The following NELL1 variants were observed in gnomAD, a reference collection of about 807,000 sequenced individuals.
The protein encoded by NELL1 is neural EGFL like 1.
A neutral mutation model predicts 107.4 loss-of-function variants in NELL1; 76 were observed. The observed-to-expected ratio is 0.71, with a 90% CI of 0.59 to 0.86. The LOEUF is 0.86. Among genes scored for constraint, NELL1 ranks in the 40% least tolerant of loss-of-function variants. NELL1 has a pLI of 0.00. For synonymous variants in NELL1, 353 were observed against 341.2 expected (o/e 1.03, Z -0.38); for missense variants, 1,024 against 1,005.5 (o/e 1.02, Z -0.25).
intron 2 of NELL1, among the ~76,000 whole-genome samples, chr11:20,684,212 GC>G: frequency 6.6e-6 from 1 of 151,716 alleles, no homozygotes; most frequent in African/African-American, 2.4e-5. Flanking sequence ...TTCAAGACCA[GC>G]CTGGGCAACA....
intron 14 of NELL1, among the ~76,000 whole-genome samples, chr11:21,350,244 A>G (rs1191709438): frequency 6.6e-6 from 1 of 152,092 alleles, no homozygotes; most frequent in African/African-American, 2.4e-5. Context: ...TGGATATGGT[A>G]TTATTCTGGA....
rs141896527 is a variant in NELL1 at position 21,518,140 on chromosome 11, A to T, written c.1646-16234A>T. On this transcript the variant is annotated intron_variant, in intron 15 of 19. Transcript: ENST00000357134. ...TAATTTCTTCCCCAACTCACTGAAG[A>T]AAAAAAAAAAAAGGTGCTGATTTTC... is the stretch of plus-strand genomic sequence containing the variant. Among the ~76,000 whole-genome samples the T allele has an allele frequency of 7.9e-3, 69 of 8,680 alleles. No individual in the cohort carries two copies. In the East Asian group the frequency reaches 0.14, roughly 17 times the overall value. 5.7% of individuals were successfully genotyped at this position (8,680 alleles called of 152,430 possible).
At chr11:20,771,742 T>A (rs188611991) in intron 2 of NELL1, among the ~76,000 whole-genome samples, 1 of 152,206 alleles carries the variant, frequency 6.6e-6, no homozygotes, top group East Asian at 1.9e-4. Context: ...TTCAGAAGAG[T>A]GTGTCTTTCT....
chr11:20,869,332 A>G (rs868115125), intron 4 of NELL1, among the ~76,000 whole-genome samples: 1 of 152,212 alleles, frequency 6.6e-6, no homozygotes, highest in South Asian at 2.1e-4. Flanking sequence ...TCATTTATGC[A>G]TGGAAATGTA....
chr11:21,494,791 C>T (rs117497250), intron 15 of NELL1, among the ~76,000 whole-genome samples: 83 of 151,936 alleles, frequency 5.5e-4, no homozygotes, highest in East Asian at 5.4e-3. Flanking sequence ...GTTCAAACAA[C>T]GTAGATAAAT....
chr11:21,338,861 G>A (rs923282038), intron 14 of NELL1, among the ~76,000 whole-genome samples: 1 of 152,106 alleles, frequency 6.6e-6, no homozygotes, highest in Non-Finnish European at 1.5e-5. Context: ...ATCCAGGGAT[G>A]GGCTTTAGGA....
In NELL1 at chr11:21,190,895, TGA is replaced by T. The variant is rs574813924; in HGVS notation, c.1427-38431_1427-38430del. 2.0e-3 allele frequency among the ~76,000 whole-genome samples: 310 copies of T among 151,880 alleles called. 12 individuals are homozygous for T. The highest frequency in any genetic ancestry group is 7.2e-3 in the African/African-American group (298 of 41,208). ...CAGCCTTGCCAATTCAAGTAGACAA[TGA>T]GAGAGGTCATAGAGTTCTGAGATGG... On this transcript the variant is annotated intron_variant, in intron 13 of 19. Coordinates refer to ENST00000357134, the MANE Select transcript of NELL1 (RefSeq NM_006157.5).
chr11:21,520,155 G>T (rs1361021670), intron 15 of NELL1, among the ~76,000 whole-genome samples: 1 of 152,144 alleles, frequency 6.6e-6, no homozygotes, highest in East Asian at 1.9e-4. Context: ...TATGCCGTAG[G>T]ACTGACATAA....
intron 15 of NELL1, among the ~76,000 whole-genome samples, chr11:21,376,680 G>A (rs1851489148): frequency 1.3e-5 from 2 of 152,104 alleles, no homozygotes; most frequent in Non-Finnish European, 2.9e-5. Context: ...TCCAATCCAT[G>A]AGCATGGAAT....
At chr11:20,841,240 C>T (rs540982130) in intron 3 of NELL1, among the ~76,000 whole-genome samples, 16 of 152,052 alleles carry the variant, frequency 1.1e-4, no homozygotes, top group Admixed American at 5.2e-4. Context: ...CTCCACTGGA[C>T]GTCTGCTACT....
At chr11:21,152,124 A>T (rs1856131409) in intron 13 of NELL1, among the ~76,000 whole-genome samples, 1 of 152,192 alleles carries the variant, frequency 6.6e-6, no homozygotes, top group African/African-American at 2.4e-5. Flanking sequence ...ATGTCCTGCT[A>T]TACCATGTCA....
chr11:21,111,007 A>G (rs1178103820), intron 12 of NELL1, among the ~76,000 whole-genome samples: 2 of 152,128 alleles, frequency 1.3e-5, no homozygotes, highest in African/African-American at 4.8e-5. Context: ...CATTTCAAAT[A>G]CGCAAAGCTC....
chr11:21,282,020 T>A (rs943303658), intron 14 of NELL1, among the ~76,000 whole-genome samples: 26 of 152,286 alleles, frequency 1.7e-4, no homozygotes, highest in African/African-American at 6.3e-4. Context: ...GTTAAAAAGC[T>A]TCTTCACAGC....
intron 15 of NELL1, among the ~76,000 whole-genome samples, chr11:21,411,258 T>C (rs1411992357): frequency 6.6e-6 from 1 of 152,064 alleles, no homozygotes; most frequent in Non-Finnish European, 1.5e-5. Flanking sequence ...TCCTGCCATA[T>C]ATAGAAAGAG....
At chr11:21,323,772 T>C (rs181933917) in intron 14 of NELL1, among the ~76,000 whole-genome samples, 1 of 152,284 alleles carries the variant, frequency 6.6e-6, no homozygotes, top group African/African-American at 2.4e-5. Context: ...TCTGTGTTTG[T>C]TATCTGATAC....
At chr11:21,497,545 C>T (rs972887423) in intron 15 of NELL1, among the ~76,000 whole-genome samples, 143 of 151,712 alleles carry the variant, frequency 9.4e-4, no homozygotes, top group African/African-American at 3.3e-3. Flanking sequence ...CATTTAATTG[C>T]GTTAGTTAAT....
chr11:21,144,982 C>A (rs1855945976), intron 13 of NELL1, among the ~76,000 whole-genome samples: 1 of 152,148 alleles, frequency 6.6e-6, no homozygotes, highest in Non-Finnish European at 1.5e-5. Context: ...CCTCTTTGCA[C>A]CTCAGTTTCC....
chr11:20,927,088 A>G, intron 7 of NELL1: 1 of 487,094 alleles, frequency 2.1e-6, no homozygotes, highest in Non-Finnish European at 3.6e-6. Context: ...CTCATTTGGT[A>G]TTCATTAGAC....
rs961909099 is a variant in NELL1 at position 21,295,113 on chromosome 11, G to A, written c.1549+65659G>A. 3.9e-5 allele frequency among the ~76,000 whole-genome samples: 6 copies of A among 151,998 alleles called. No individual in the cohort carries two copies. The East Asian group carries it at 1.2e-3, about 29-fold the overall frequency. ...CATATGTCAGGTATGGTTGTAATTG[G>A]TTTACAAATATTAATAAATTTAATT... On this transcript the variant is annotated intron_variant, in intron 14 of 19. Transcript: ENST00000357134.
Sources: allele counts gnomAD v4.1 joint callset (sites outside exome capture counted in the v4.1 genomes callset), GRCh38; gene constraint gnomAD v4.1.1; transcripts MANE v1.5; gene names NCBI Gene and HGNC (gene_info 2026-07-23, HGNC 2026-07-21).